PPP2R5C: variants seen among roughly 807,000 people sequenced by gnomAD.
The protein encoded by PPP2R5C is serine/threonine-protein phosphatase 2A 56 kDa regulatory subunit gamma isoform.
In PPP2R5C, 7 loss-of-function variants were observed where a neutral mutation model predicts 68.9. The observed-to-expected ratio is 0.10, with a 90% CI of 0.06 to 0.19. PPP2R5C has a LOEUF of 0.19. Among genes scored for constraint, PPP2R5C ranks in the 10% least tolerant of loss-of-function variants. The pLI, the probability that PPP2R5C is intolerant of heterozygous loss-of-function variation, is 1.00. For missense variants in PPP2R5C, 348 were observed against 641.3 expected (o/e 0.54, Z 4.94); for synonymous variants, 210 against 222.2 (o/e 0.95, Z 0.49).
intron 2 of PPP2R5C, among the ~76,000 whole-genome samples, chr14:101,870,585 C>A (rs2043339894): frequency 6.6e-6 from 1 of 152,226 alleles, no homozygotes; most frequent in Non-Finnish European, 1.5e-5. Context: ...GGTTGTGTGA[C>A]TGCTATAACC....
chr14:101,879,678 C>T lies in PPP2R5C; in HGVS notation c.295-2483C>T, dbSNP rs889956621. Among the ~76,000 whole-genome samples, 1 of 152,218 alleles carries T rather than the reference C, an allele frequency of 6.6e-6. No individual in the cohort carries two copies. The highest frequency in any genetic ancestry group is 6.5e-5 in the Admixed American group (1 of 15,272). ...TCTAACCCACCGAAGAACAAAGTGCCATCTCCCTTTCCTGAAGGTGACCCT... is the reference window on the plus strand; with the variant it reads ...TCTAACCCACCGAAGAACAAAGTGCTATCTCCCTTTCCTGAAGGTGACCCT... On this transcript the variant is annotated intron_variant, in intron 2 of 13. Transcript: ENST00000334743. The surrounding 1 kb of genome is among the most constrained non-coding windows in gnomAD (Gnocchi z 4.2).
upstream of PPP2R5C, chr14:101,760,735 AGGGGCTGGTCGAGG>A: frequency 4.0e-6 from 1 of 248,214 alleles, no homozygotes; most frequent in Non-Finnish European, 4.6e-6. Flanking sequence ...TGGTGAGGGG[AGGGGCTGGTCGAGG>A]GGAGGGGCTG....
chr14:101,890,164 T>C, intron 5 of PPP2R5C, 73 bp from the exon 8 acceptor site: 1 of 1,358,158 alleles, frequency 7.4e-7, no homozygotes, highest in Non-Finnish European at 1.0e-6. Context: ...GCTCCATGGC[T>C]CCTCCTAGAG....
intron 8 of PPP2R5C, among the ~76,000 whole-genome samples, chr14:101,897,094 G>A (rs1024896262): frequency 6.6e-5 from 10 of 152,062 alleles, no homozygotes; most frequent in Non-Finnish European, 1.2e-4. Context: ...GTGGAAGGAC[G>A]CATCCCTGCA....
chr14:101,913,747 G>A lies in PPP2R5C; in HGVS notation c.1326+1274G>A, dbSNP rs1185873280. Among the ~76,000 whole-genome samples, 4 of 152,178 alleles carry A rather than the reference G, an allele frequency of 2.6e-5. No homozygotes were observed. The highest frequency in any genetic ancestry group is 7.2e-5 in the African/African-American group (3 of 41,452). ...ATAAGGCCCAGCCCTGCCTGACGCT[G>A]CCCTGCGTGTCTTGCTTTGTTCTGA... On this transcript the variant is annotated intron_variant, in intron 12 of 13. Coordinates refer to ENST00000334743, the Ensembl canonical transcript of PPP2R5C. The surrounding 1 kb of genome is among the most constrained non-coding windows in gnomAD (Gnocchi z 4.1).
intron 1 of PPP2R5C, among the ~76,000 whole-genome samples, chr14:101,811,592 C>A (rs2039366352): frequency 6.6e-6 from 1 of 152,164 alleles, no homozygotes; most frequent in African/African-American, 2.4e-5. Flanking sequence ...ATCCTCCCAC[C>A]TCCGCCTCCC....
rs549449501 is a variant in PPP2R5C at position 101,798,014 on chromosome 14, T to G, written c.259+11831T>G. ...CAAGCAGAAGTTCCCTGGCAGCCTT[T>G]GAACATAGCTGAATGTTAGGTATCT... On this transcript the variant is annotated intron_variant, in intron 3 of 14. Transcript: ENST00000328724. 3.9e-5 allele frequency among the ~76,000 whole-genome samples: 6 copies of G among 152,268 alleles called. No individual in the cohort carries two copies. In the East Asian group the frequency reaches 5.8e-4, roughly 15 times the overall value.
chr14:101,787,721 C>T (rs970291742), intron 3 of PPP2R5C, among the ~76,000 whole-genome samples: 11 of 142,662 alleles, frequency 7.7e-5, no homozygotes, highest in African/African-American at 1.1e-4. Flanking sequence ...GAGCTGAGAT[C>T]GTGCCACTGC....
chr14:101,925,121 C>T lies in PPP2R5C; in HGVS notation c.1444-20C>T. 1.2e-6 allele frequency: 2 copies of T among 1,613,544 alleles called. No homozygotes were observed. Among genetic ancestry groups the T allele is most frequent in the Non-Finnish European group, 1.7e-6 (2 of 1,179,628 alleles). On this transcript the variant is annotated intron_variant, in intron 13 of 13. Transcript: ENST00000334743. ...AGATAGCTTAGTTTGTAGCCAACGC[C>T]ATTGCATTTCTAATTCCAGGCACAG...
chr14:101,824,253 C>A, intron 1 of PPP2R5C: 2 of 1,105,854 alleles, frequency 1.8e-6, no homozygotes, highest in Non-Finnish European at 2.3e-6. Context: ...TCTTTTTATT[C>A]GTAATGATAT....
intron 1 of PPP2R5C, among the ~76,000 whole-genome samples, chr14:101,830,351 T>G (rs1158957357): frequency 6.6e-6 from 1 of 152,232 alleles, no homozygotes; most frequent in Non-Finnish European, 1.5e-5. Flanking sequence ...AGAGTTTCAC[T>G]TACATTAACA....
intron 1 of PPP2R5C, chr14:101,818,633 C>CAA (rs34613639): frequency 3.0e-3 from 379 of 126,522 alleles, no homozygotes; most frequent in South Asian, 9.0e-3. Context: ...GACTCTGTCT[C>CAA]AAAAAAAAAA....
chr14:101,818,543 G>A (rs1007299260), intron 1 of PPP2R5C: 1 of 157,398 alleles, frequency 6.4e-6, no homozygotes. Context: ...GTTGAGGCAG[G>A]AGAATCACTT....
intron 2 of PPP2R5C, among the ~76,000 whole-genome samples, chr14:101,881,731 G>T (rs1212528901): frequency 6.6e-6 from 1 of 152,218 alleles, no homozygotes; most frequent in Admixed American, 6.5e-5. Context: ...CCTGCGTGAC[G>T]CAGCCCTTGC....
chr14:101,909,741 C>CT, intron 11 of PPP2R5C, 51 bp downstream of exon 13: 1 of 1,322,152 alleles, frequency 7.6e-7, no homozygotes, highest in East Asian at 2.4e-5. Context: ...TTTCTTAATC[C>CT]TAAGTAAACC....
chr14:101,776,176 A>G lies in PPP2R5C; in HGVS notation c.94-9842A>G, dbSNP rs190506511. Among the ~76,000 whole-genome samples the G allele has an allele frequency of 2.4e-3, 361 of 152,172 alleles. 3 individuals carry two copies. The highest frequency in any genetic ancestry group is 0.014 in the Middle Eastern group (4 of 294). ...CTTCTACTGAAGGGAAGGGCCGACT[A>G]TTTTGATTTGGGTTTGACAGATAAT... On this transcript the variant is annotated intron_variant, in intron 2 of 14. Transcript: ENST00000328724.
At chr14:101,785,153 G>A (rs2038032832) in intron 2 of PPP2R5C, among the ~76,000 whole-genome samples, 2 of 152,156 alleles carry the variant, frequency 1.3e-5, no homozygotes, top group Non-Finnish European at 2.9e-5. Flanking sequence ...CTCCAGCGGA[G>A]CGTTTCCTGG....
chr14:101,795,390 A>AT (rs931456402), intron 3 of PPP2R5C, among the ~76,000 whole-genome samples: 15 of 151,446 alleles, frequency 9.9e-5, no homozygotes, highest in Admixed American at 2.6e-4. Context: ...TCATATTTTT[A>AT]TTTTTTTTTA....
chr14:101,924,459 A>C (rs562802240), intron 13 of PPP2R5C, among the ~76,000 whole-genome samples: 24 of 42,414 alleles, frequency 5.7e-4, no homozygotes, highest in African/African-American at 2.2e-3. Context: ...TTTTTTTTTG[A>C]GATGGAGTCT....
Sources: allele counts gnomAD v4.1 joint callset (sites outside exome capture counted in the v4.1 genomes callset), GRCh38; gene constraint gnomAD v4.1.1; non-coding constraint Gnocchi (gnomAD v3.1); transcripts MANE v1.5; gene names NCBI Gene and HGNC (gene_info 2026-07-23, HGNC 2026-07-21).